The following DCN variants were observed in gnomAD, a reference collection of about 807,000 sequenced individuals.
DCN encodes bone proteoglycan II.
Under a neutral mutation model 36.5 loss-of-function variants are expected in DCN, and 17 were observed. That is an observed-to-expected ratio of 0.47 (90% CI 0.32 to 0.70). The LOEUF is 0.70. Ranked by LOEUF, DCN falls within the 30% of genes least tolerant of loss-of-function variation. The pLI is 0.04. For missense variants in DCN, 389 were observed against 430.1 expected (o/e 0.90, Z 0.84); for synonymous variants, 163 against 161.4 (o/e 1.01, Z -0.07).
chr12:91,170,575 C>G (rs491181), intron 2 of DCN, among the ~76,000 whole-genome samples: 4,444 of 152,278 alleles, frequency 0.029, 229 homozygotes, highest in African/African-American at 0.1. Context: ...TCCTCAAAAA[C>G]TGCTCCTGGT....
chr12:91,172,733 A>G (rs1469729930), intron 2 of DCN: 19 of 698,758 alleles, frequency 2.7e-5, no homozygotes, highest in Non-Finnish European at 4.7e-5. Flanking sequence ...TCCAAGCATT[A>G]ATTCAAGAAC....
At chr12:91,172,244 C>CA (rs1731554117) in intron 2 of DCN, 1 of 152,374 alleles carries the variant, frequency 6.6e-6, no homozygotes, top group Admixed American at 6.5e-5. Flanking sequence ...TCATGTTGGA[C>CA]AAAGGCCAGG....
chr12:91,152,476 C>T (rs528394004), intron 6 of DCN, among the ~76,000 whole-genome samples: 19 of 152,070 alleles, frequency 1.2e-4, no homozygotes, highest in South Asian at 2.1e-4. Flanking sequence ...CAAGTGAAAA[C>T]GTTTGCCAGA....
In DCN at chr12:91,151,667, T is replaced by C; in HGVS notation, c.872A>G (p.His291Arg). ...LTRVPGGLAE[H>R]KYIQVVYLHN... is the part of the protein sequence containing the mutation. The stretch of plus-strand genomic sequence containing the variant: ...GCTTTGCATTACCTGGATGTACTTA[T>C]GCTCTGCCAGCCCACCAGGTACTCT... Residue 291 changes from histidine (H) to arginine (R), a missense_variant, in exon 7 of 8, where the codon CAT becomes CGT. By Grantham distance (29) the His-to-Arg change is conservative (BLOSUM62 0). Coordinates refer to ENST00000052754, the MANE Select transcript of DCN (RefSeq NM_001920.5). 1 of 1,614,064 alleles carries C rather than the reference T, an allele frequency of 6.2e-7. No individual in the cohort carries two copies. Among genetic ancestry groups the C allele is most frequent in the Non-Finnish European group, 8.5e-7 (1 of 1,179,952 alleles).
chr12:91,164,378 T>A (rs11503220), intron 3 of DCN, among the ~76,000 whole-genome samples: 97 of 29,150 alleles, frequency 3.3e-3, no homozygotes, highest in African/African-American at 0.014. Context: ...AAAAAAAAAT[T>A]AAAAAAAAAA....
At chr12:91,177,738 T>A in intron 2 of DCN, 1 of 695,286 alleles carries the variant, frequency 1.4e-6, no homozygotes, top group East Asian at 2.7e-5. Context: ...CCTTTGAAAC[T>A]TTCTAAAGAA....
intron 2 of DCN, among the ~76,000 whole-genome samples, chr12:91,168,944 TC>T (rs1211421286): frequency 6.6e-6 from 1 of 152,130 alleles, no homozygotes; most frequent in East Asian, 1.9e-4. Context: ...CATATATTTC[TC>T]CTGGAAAAGC....
At chr12:91,182,239 T>C (rs1382075200) in intron 1 of DCN, among the ~76,000 whole-genome samples, 2 of 152,088 alleles carry the variant, frequency 1.3e-5, no homozygotes, top group African/African-American at 4.8e-5. Context: ...CTTTTAAAAG[T>C]CCTTAAAGCA....
intron 2 of DCN, among the ~76,000 whole-genome samples, chr12:91,173,900 G>T (rs969223486): frequency 6.6e-6 from 1 of 152,068 alleles, no homozygotes; most frequent in Non-Finnish European, 1.5e-5. Flanking sequence ...ACCAGTTCAA[G>T]AAAAATGATT....
chr12:91,151,577 G>C (rs1286053416), intron 7 of DCN, 77 bp downstream of exon 7: 2 of 1,563,780 alleles, frequency 1.3e-6, no homozygotes, highest in Non-Finnish European at 1.8e-6. Context: ...AGAGCTTCCT[G>C]CTTCCCAGCA....
rs1359882790 is a variant in DCN at position 91,151,714 on chromosome 12, G to A, written c.825C>T (p.His275=). ...LANTPHLREL[H]LDNNKLTRVP... is the part of the protein sequence containing the mutation. ...CTCTGGTAAGCTTGTTGTTGTCCAA[G>A]TGAAGCTCCCTCAGATGAGGCGTGT... Residue 275 remains histidine (H), a synonymous_variant, in exon 7 of 8, where the codon CAC becomes CAT. Transcript: ENST00000052754. The A allele has an allele frequency of 1.2e-6, 2 of 1,614,004 alleles. No homozygotes were observed. Among genetic ancestry groups the A allele is most frequent in the African/African-American group, 2.7e-5 (2 of 74,918 alleles).
chr12:91,148,475 T>C (rs1416768084), intron 7 of DCN, among the ~76,000 whole-genome samples: 1 of 151,666 alleles, frequency 6.6e-6, no homozygotes, highest in Non-Finnish European at 1.5e-5. Flanking sequence ...CTCAGCACTT[T>C]GGGAGGCCGA....
At chr12:91,148,954 T>G (rs966228759) in intron 7 of DCN, among the ~76,000 whole-genome samples, 2 of 152,136 alleles carry the variant, frequency 1.3e-5, no homozygotes, top group African/African-American at 4.8e-5. Context: ...ATCCTCTATA[T>G]TCCAGTAGTG....
chr12:91,151,903 A>G, intron 6 of DCN, 111 bp from the exon 7 acceptor site: 6 of 1,236,352 alleles, frequency 4.9e-6, no homozygotes, highest in Non-Finnish European at 6.9e-6. Flanking sequence ...TTTTGCACTT[A>G]CTCTTCCCAG....
chr12:91,157,601 A>C (rs1221789267), intron 4 of DCN, among the ~76,000 whole-genome samples: 1 of 152,136 alleles, frequency 6.6e-6, no homozygotes, highest in Non-Finnish European at 1.5e-5. Context: ...AGCCAATAAT[A>C]AAATTACAAT....
rs537603526 is a variant in DCN, at chr12:91,151,276, C to T, written c.885+378G>A. The T allele has an allele frequency of 1.1e-4, 24 of 225,376 alleles. 1 individual carries two copies. The South Asian group carries it at 1.3e-3, about 13-fold the overall frequency. The allele number at this position is 225,376 out of a possible 1,614,324, so 14.0% of individuals were successfully genotyped here. ...GGAGCTAGACCAAAGAAGCTCTTTC[C>T]AGTCAATTCTTGAATAATTTGAAAA... On this transcript the variant is annotated intron_variant, in intron 7 of 7. Coordinates refer to ENST00000052754, the MANE Select transcript of DCN (RefSeq NM_001920.5).
At chr12:91,177,281 T>C (rs572610558) in intron 2 of DCN, 81 of 391,678 alleles carry the variant, frequency 2.1e-4, no homozygotes, top group Non-Finnish European at 3.3e-4. Flanking sequence ...TTATATTTTT[T>C]CTGGGTTCCT....
rs1408132093 is a variant in DCN, at chr12:91,145,789, A to G, written c.*269T>C. On this transcript the variant is annotated 3_prime_UTR_variant, in exon 8 of 8. Coordinates refer to ENST00000052754, the MANE Select transcript of DCN (RefSeq NM_001920.5). ...AATATTGACATATATATTTACTCCA[A>G]ATTTTACATTTAGTGAAATAAGAAT... 2.1e-6 allele frequency: 1 copy of G among 465,762 alleles called. No individual in the cohort carries two copies. The highest frequency in any genetic ancestry group is 2.0e-5 in the African/African-American group (1 of 50,508). The allele number at this position is 465,762 out of a possible 1,614,324, so 28.9% of individuals were successfully genotyped here. A position where few individuals can be genotyped will look rare whatever the true frequency, so the allele number is the denominator to read the frequency against.
chr12:91,158,498 A>C lies in DCN; in HGVS notation c.336T>G (p.Leu112=), dbSNP rs1332893462. 5.8e-6 allele frequency: 9 copies of C among 1,560,128 alleles called. No individual in the cohort carries two copies. In the African/African-American group the frequency reaches 1.2e-4, roughly 21 times the overall value. ...TAACTTTGCTAATTTTATTGTTGAC[A>C]AGAATCAATGCCTGTAGATAGTGAA... ...KNLKNLHALI[L]VNNKISKVSP... Residue 112 remains leucine (L), a synonymous_variant, in exon 4 of 8, where the codon CTT becomes CTG. Coordinates refer to ENST00000052754, the MANE Select transcript of DCN (RefSeq NM_001920.5).
Sources: allele counts gnomAD v4.1 joint callset (sites outside exome capture counted in the v4.1 genomes callset), GRCh38; gene constraint gnomAD v4.1.1; transcripts MANE v1.5; gene names NCBI Gene and HGNC (gene_info 2026-07-23, HGNC 2026-07-21).